The following GABRG2 variants were observed in gnomAD, a reference collection of about 807,000 sequenced individuals.
The protein encoded by GABRG2 is gamma-aminobutyric acid type A receptor subunit gamma2.
In GABRG2, 16 loss-of-function variants were observed where a neutral mutation model predicts 56.4. The ratio of observed to expected loss-of-function variants is 0.28; its 90% CI spans 0.19 to 0.43. The LOEUF (loss-of-function observed/expected upper bound fraction) is 0.43. Among genes scored for constraint, GABRG2 ranks in the 20% least tolerant of loss-of-function variants. GABRG2 has a pLI of 1.00. For synonymous variants in GABRG2, 208 were observed against 205.5 expected (o/e 1.01, Z -0.10); for missense variants, 327 against 582.7 (o/e 0.56, Z 4.52).
At chr5:162,073,104 A>T (rs1238282756) in intron 1 of GABRG2, among the ~76,000 whole-genome samples, 2 of 151,936 alleles carry the variant, frequency 1.3e-5, no homozygotes, top group Admixed American at 1.3e-4. Flanking sequence ...TACAACAGAT[A>T]CTTTACATCC....
intron 1 of GABRG2, among the ~76,000 whole-genome samples, chr5:162,086,580 TTC>T (rs1251897817): frequency 3.3e-5 from 5 of 152,034 alleles, no homozygotes; most frequent in African/African-American, 4.8e-5. Context: ...AGAAAACGTC[TTC>T]TTTCTTTCCT....
intron 6 of GABRG2, among the ~76,000 whole-genome samples, chr5:162,139,825 A>T (rs1388851562): frequency 1.3e-5 from 2 of 152,194 alleles, no homozygotes; most frequent in Non-Finnish European, 2.9e-5. Context: ...ATAGGAGAAA[A>T]GGTACCCCTG....
chr5:162,086,464 A>G (rs970011473), intron 1 of GABRG2, among the ~76,000 whole-genome samples: 63 of 152,170 alleles, frequency 4.1e-4, no homozygotes, highest in African/African-American at 1.4e-3. Context: ...TTAATGTTAT[A>G]AAAAGCATAT....
At chr5:162,071,006 A>G (rs1321758402) in intron 1 of GABRG2, among the ~76,000 whole-genome samples, 1 of 91,550 alleles carries the variant, frequency 1.1e-5, no homozygotes, top group East Asian at 3.3e-4. Flanking sequence ...GAATCAATTT[A>G]ACTTCAATCT....
intron 1 of GABRG2, among the ~76,000 whole-genome samples, chr5:162,092,498 TA>T (rs1760677287): frequency 6.6e-6 from 1 of 152,160 alleles, no homozygotes; most frequent in Non-Finnish European, 1.5e-5. Context: ...ATTAATTACA[TA>T]ATCATCTTCT....
chr5:162,067,954 C>T lies in GABRG2; in HGVS notation c.-46C>T, dbSNP rs764214358. The T allele has an allele frequency of 2.3e-6, 3 of 1,323,816 alleles. No homozygotes were observed. The highest frequency in any genetic ancestry group is 3.3e-6 in the Non-Finnish European group (3 of 920,598). 82.0% of individuals were successfully genotyped at this position (1,323,816 alleles called of 1,614,324 possible). A position where few individuals can be genotyped will look rare whatever the true frequency, so the allele number is the denominator to read the frequency against. On this transcript the variant is annotated 5_prime_UTR_variant, in exon 1 of 10. Coordinates refer to ENST00000639213, the MANE Select transcript of GABRG2 (RefSeq NM_198904.4). ...AATAATACAAAGGGGAGGGATTCTT[C>T]TGCAACCAAGAGGCAAGAGGCGAGA...
intron 9 of GABRG2, 107 bp from the exon 10 acceptor site, chr5:162,152,986 G>A: frequency 7.8e-7 from 1 of 1,287,326 alleles, no homozygotes; most frequent in Non-Finnish European, 1.1e-6. Flanking sequence ...AATTTCCTGA[G>A]TACCCATTTT....
intron 1 of GABRG2, among the ~76,000 whole-genome samples, chr5:162,083,973 G>A (rs930888195): frequency 4.0e-5 from 6 of 151,740 alleles, no homozygotes; most frequent in Non-Finnish European, 8.9e-5. Flanking sequence ...CTGGAAATCA[G>A]TGTCACTTTT....
At chr5:162,109,286 AAT>A (rs1016160703) in intron 6 of GABRG2, among the ~76,000 whole-genome samples, 10 of 151,356 alleles carry the variant, frequency 6.6e-5, no homozygotes, top group African/African-American at 2.4e-4. Context: ...AAATATACCT[AAT>A]GTAAATGACG....
At chr5:162,112,916 G>A (rs1417552339) in intron 6 of GABRG2, among the ~76,000 whole-genome samples, 2 of 152,010 alleles carry the variant, frequency 1.3e-5, no homozygotes, top group Non-Finnish European at 2.9e-5. Flanking sequence ...GGTTTACAAT[G>A]TCACTTTTTT....
chr5:162,121,378 A>G (rs1357723649), intron 6 of GABRG2, among the ~76,000 whole-genome samples: 1 of 152,072 alleles, frequency 6.6e-6, no homozygotes, highest in Non-Finnish European at 1.5e-5. Flanking sequence ...AAAATTGATG[A>G]ATTTGAGTGT....
chr5:162,119,839 T>A (rs1325701828), intron 6 of GABRG2, among the ~76,000 whole-genome samples: 2 of 152,102 alleles, frequency 1.3e-5, no homozygotes, highest in Non-Finnish European at 2.9e-5. Context: ...TTAGGATATG[T>A]TTGGAATATA....
chr5:162,108,798 T>C (rs991064520), intron 6 of GABRG2, among the ~76,000 whole-genome samples: 25 of 152,274 alleles, frequency 1.6e-4, no homozygotes, highest in African/African-American at 5.8e-4. Flanking sequence ...ACTGTTATTA[T>C]CACTATCATT....
At chr5:162,067,668 C>A, upstream of GABRG2, 1 of 596,972 alleles carries the variant, frequency 1.7e-6, no homozygotes, top group East Asian at 2.8e-5. Flanking sequence ...TGAGTATACA[C>A]GAGTGTGCGT....
intron 1 of GABRG2, among the ~76,000 whole-genome samples, chr5:162,068,754 T>G (rs545604402): frequency 3.3e-5 from 5 of 152,060 alleles, no homozygotes; most frequent in African/African-American, 1.2e-4. Context: ...TCTCTAAATA[T>G]ACTCAGGGCA....
rs142741248 is a variant in GABRG2 at position 162,076,179 on chromosome 5, T to C, written c.107+8073T>C. On this transcript the variant is annotated intron_variant, in intron 1 of 9. Transcript: ENST00000639213. ...ATAAAAAGGAAGATAATAATTTTTC[T>C]TAAGTTTATTTTGAGTAGGAATTGA... Among the ~76,000 whole-genome samples, 64 of 152,160 alleles carry C rather than the reference T, an allele frequency of 4.2e-4. 1 individual carries two copies. The East Asian group carries it at 0.012, about 29-fold the overall frequency.
intron 5 of GABRG2, chr5:162,103,323 T>TA (rs1189340717): frequency 1.3e-5 from 2 of 156,056 alleles, no homozygotes; most frequent in Non-Finnish European, 2.8e-5. Context: ...CATTTCTACT[T>TA]ACTACTGCTT....
chr5:162,140,183 G>T (rs1764451902), intron 6 of GABRG2, among the ~76,000 whole-genome samples: 1 of 152,182 alleles, frequency 6.6e-6, no homozygotes, highest in African/African-American at 2.4e-5. Flanking sequence ...AGGCACAGTT[G>T]CTAGATAATT....
intron 6 of GABRG2, among the ~76,000 whole-genome samples, chr5:162,111,378 A>G (rs1379886672): frequency 6.6e-6 from 1 of 152,158 alleles, no homozygotes; most frequent in Non-Finnish European, 1.5e-5. Context: ...TTTAAATTCC[A>G]AGGTTGTGTT....
Sources: gnomAD v4.1 joint callset for allele counts (sites outside exome capture counted in the v4.1 genomes callset) on GRCh38, gnomAD v4.1.1 for gene constraint, MANE v1.5 for transcripts, NCBI Gene and HGNC (gene_info 2026-07-23, HGNC 2026-07-21) for gene names.